CCDC38: variants seen among roughly 807,000 people sequenced by gnomAD.
CCDC38 encodes coiled-coil domain-containing protein 38.
In CCDC38, 69 loss-of-function variants were observed where a neutral mutation model predicts 72.8. The observed-to-expected ratio is 0.95, with a 90% CI of 0.78 to 1.16. CCDC38 has a LOEUF of 1.16. Ranked by LOEUF, CCDC38 falls within the 50% of genes most tolerant of loss-of-function variation. The probability of loss-of-function intolerance (pLI) is 0.00; values close to 1 mark genes in which losing one functional copy is unlikely to be tolerated. For synonymous variants in CCDC38, 201 were observed against 213.2 expected (o/e 0.94, Z 0.50); for missense variants, 626 against 638.9 (o/e 0.98, Z 0.22).
chr12:95,891,907 G>A (rs551862933), intron 8 of CCDC38, among the ~76,000 whole-genome samples: 5 of 151,972 alleles, frequency 3.3e-5, no homozygotes, highest in Admixed American at 2.0e-4. Context: ...TTTGTAGTTC[G>A]CCAATTTCTG....
chr12:95,892,278 C>CTTTTTTTTT (rs774500212), intron 8 of CCDC38, among the ~76,000 whole-genome samples: 2 of 75,976 alleles, frequency 2.6e-5, no homozygotes, highest in African/African-American at 1.2e-4. Flanking sequence ...TTATTACAAT[C>CTTTTTTTTT]TTTTTTTTTT....
intron 7 of CCDC38, among the ~76,000 whole-genome samples, chr12:95,895,567 C>G (rs994466258): frequency 1.3e-5 from 2 of 151,642 alleles, no homozygotes; most frequent in Non-Finnish European, 2.9e-5. Flanking sequence ...GCCTGGCCAA[C>G]ATGGAGAAAA....
chr12:95,869,983 C>T (rs2079563468), intron 14 of CCDC38, among the ~76,000 whole-genome samples: 1 of 151,988 alleles, frequency 6.6e-6, no homozygotes, highest in Non-Finnish European at 1.5e-5. Flanking sequence ...GCCACCACAC[C>T]CGGCTAATTT....
At chr12:95,898,542 G>C in intron 6 of CCDC38, 26 bp downstream of exon 6, 3 of 1,614,074 alleles carry the variant, frequency 1.9e-6, no homozygotes, top group Non-Finnish European at 2.5e-6. Flanking sequence ...AGGTGGGAAG[G>C]ATTTGGCCAG....
chr12:95,882,797 C>T (rs1456126867), intron 10 of CCDC38, among the ~76,000 whole-genome samples: 1 of 152,228 alleles, frequency 6.6e-6, no homozygotes, highest in Non-Finnish European at 1.5e-5. Flanking sequence ...ACTAATGACT[C>T]TCACATCTCT....
At chr12:95,903,631 G>T in intron 5 of CCDC38, 2 of 529,404 alleles carry the variant, frequency 3.8e-6, no homozygotes, top group South Asian at 3.0e-5. Context: ...TGGTTTTTCT[G>T]CATCAATTGG....
intron 8 of CCDC38, 77 bp downstream of exon 8, chr12:95,894,912 T>A: frequency 8.5e-7 from 1 of 1,172,712 alleles, no homozygotes. Context: ...AATATCTATT[T>A]AGATAAAAAA....
intron 5 of CCDC38, chr12:95,903,360 C>A: frequency 1.5e-6 from 1 of 683,968 alleles, no homozygotes; most frequent in Non-Finnish European, 2.7e-6. Context: ...TCTTCATTTC[C>A]AATCTAAATG....
intron 2 of CCDC38, among the ~76,000 whole-genome samples, chr12:95,931,129 A>G (rs1464190724): frequency 6.6e-6 from 1 of 152,174 alleles, no homozygotes; most frequent in Admixed American, 6.5e-5. Context: ...TCCTTTGAGC[A>G]TAAAATCAGG....
chr12:95,886,982 G>A (rs1477619638), intron 10 of CCDC38, among the ~76,000 whole-genome samples: 1 of 152,154 alleles, frequency 6.6e-6, no homozygotes, highest in African/African-American at 2.4e-5. Flanking sequence ...TCAGAAGTTC[G>A]AGACCAGCCT....
intron 7 of CCDC38, among the ~76,000 whole-genome samples, chr12:95,895,361 A>G (rs2079875233): frequency 6.6e-6 from 1 of 152,210 alleles, no homozygotes; most frequent in Admixed American, 6.5e-5. Context: ...ATGTCCAAGG[A>G]TATGCACACA....
chr12:95,913,984 T>A (rs2080120034), intron 4 of CCDC38, among the ~76,000 whole-genome samples: 1 of 152,178 alleles, frequency 6.6e-6, no homozygotes, highest in Admixed American at 6.6e-5. Context: ...ATAAAATACA[T>A]ATGAAATCAG....
intron 8 of CCDC38, 64 bp downstream of exon 8, chr12:95,894,925 T>C (rs973150661): frequency 3.9e-6 from 5 of 1,293,398 alleles, no homozygotes; most frequent in Admixed American, 2.3e-5. Flanking sequence ...ATAAAAAACA[T>C]TGAAGCAGAT....
intron 2 of CCDC38, among the ~76,000 whole-genome samples, chr12:95,927,747 C>T (rs993422495): frequency 7.9e-5 from 12 of 152,146 alleles, no homozygotes; most frequent in African/African-American, 2.9e-4. Flanking sequence ...GTGACAAAAT[C>T]GCTCAGCATT....
At chr12:95,906,525 T>C (rs1046510846) in intron 4 of CCDC38, 74 bp from the exon 5 acceptor site, 39 of 1,034,784 alleles carry the variant, frequency 3.8e-5, no homozygotes, top group Non-Finnish European at 5.5e-5. Context: ...AAAAGCCATA[T>C]AATTAAATTA....
At chr12:95,876,380 T>C (rs1008177582) in intron 13 of CCDC38, among the ~76,000 whole-genome samples, 10 of 152,214 alleles carry the variant, frequency 6.6e-5, no homozygotes, top group African/African-American at 2.4e-4. Context: ...ACAACATGAA[T>C]GTACTTAACA....
At chr12:95,939,189 G>A (rs1358814221) in intron 1 of CCDC38, among the ~76,000 whole-genome samples, 4 of 152,192 alleles carry the variant, frequency 2.6e-5, no homozygotes, top group African/African-American at 9.7e-5. Flanking sequence ...GTAAGCACAT[G>A]GAGAGGTGCA....
intron 4 of CCDC38, among the ~76,000 whole-genome samples, chr12:95,907,050 G>A (rs531372593): frequency 2.2e-4 from 32 of 142,568 alleles, no homozygotes; most frequent in South Asian, 4.3e-4. Flanking sequence ...GCCTTCAAGC[G>A]TCTGTTTAAC....
intron 2 of CCDC38, among the ~76,000 whole-genome samples, chr12:95,928,788 G>T (rs1405494493): frequency 6.6e-6 from 1 of 152,168 alleles, no homozygotes; most frequent in Non-Finnish European, 1.5e-5. Flanking sequence ...GTCTGTTGGA[G>T]TACCCGGCCG....
Sources: gnomAD v4.1 joint callset for allele counts (sites outside exome capture counted in the v4.1 genomes callset) on GRCh38, gnomAD v4.1.1 for gene constraint, MANE v1.5 for transcripts, NCBI Gene and HGNC (gene_info 2026-07-23, HGNC 2026-07-21) for gene names.